The following GRM7 variants were observed in gnomAD, a reference collection of about 807,000 sequenced individuals.
GRM7 encodes the protein metabotropic glutamate receptor 7.
A neutral mutation model predicts 84.5 loss-of-function variants in GRM7; 35 were observed. The observed-to-expected ratio is 0.41, with a 90% CI of 0.32 to 0.55. The LOEUF (loss-of-function observed/expected upper bound fraction) is 0.55. Ranked by LOEUF, GRM7 falls within the 20% of genes least tolerant of loss-of-function variation. The pLI is 0.19. For synonymous variants in GRM7, 487 were observed against 455.1 expected (o/e 1.07, Z -0.89); for missense variants, 1,003 against 1,194.6 (o/e 0.84, Z 2.36).
At chr3:7,064,324 A>G (rs1012173766) in intron 1 of GRM7, among the ~76,000 whole-genome samples, 1 of 150,692 alleles carries the variant, frequency 6.6e-6, no homozygotes, top group Admixed American at 6.7e-5. Flanking sequence ...TATCAGTGAG[A>G]ACATATGACA....
At chr3:6,886,333 C>A (rs1235413475) in intron 1 of GRM7, among the ~76,000 whole-genome samples, 1 of 151,776 alleles carries the variant, frequency 6.6e-6, no homozygotes, top group Admixed American at 6.6e-5. Context: ...ACCCACACAC[C>A]GGGGCCTGTT....
intron 1 of GRM7, among the ~76,000 whole-genome samples, chr3:7,050,294 A>G (rs1197072633): frequency 6.6e-6 from 1 of 151,922 alleles, no homozygotes; most frequent in Non-Finnish European, 1.5e-5. Flanking sequence ...CTGTTCTAAA[A>G]CAAAAGCTTT....
chr3:7,000,161 G>A (rs1694958452), intron 1 of GRM7, among the ~76,000 whole-genome samples: 2 of 135,434 alleles, frequency 1.5e-5, no homozygotes, highest in South Asian at 4.8e-4. Context: ...AATGTCAGAG[G>A]TTGTGACTTT....
intron 1 of GRM7, among the ~76,000 whole-genome samples, chr3:7,083,423 A>C (rs1420128476): frequency 6.6e-6 from 1 of 152,164 alleles, no homozygotes; most frequent in African/African-American, 2.4e-5. Flanking sequence ...TTTCCTGTGC[A>C]CTGGGAAACC....
intron 1 of GRM7, among the ~76,000 whole-genome samples, chr3:7,075,575 G>C (rs1698043540): frequency 6.7e-6 from 1 of 148,994 alleles, no homozygotes. Flanking sequence ...CTGTCGCCCA[G>C]GCTGGAGTGG....
intron 7 of GRM7, among the ~76,000 whole-genome samples, chr3:7,563,310 AT>A (rs1694111179): frequency 6.6e-6 from 1 of 152,100 alleles, no homozygotes; most frequent in Admixed American, 6.6e-5. Context: ...AAAAGAGGAC[AT>A]TTTTTTCCTC....
chr3:7,250,595 C>T (rs550345094), intron 2 of GRM7, among the ~76,000 whole-genome samples: 36 of 140,472 alleles, frequency 2.6e-4, no homozygotes, highest in Middle Eastern at 3.7e-3. Context: ...GTGATCTTGG[C>T]TCACTGTAAC....
chr3:7,180,411 G>A (rs1379628497), intron 2 of GRM7, among the ~76,000 whole-genome samples: 2 of 152,126 alleles, frequency 1.3e-5, no homozygotes, highest in African/African-American at 4.8e-5. Flanking sequence ...CACCCAAACA[G>A]CAATCTGTGG....
intron 1 of GRM7, among the ~76,000 whole-genome samples, chr3:7,052,591 G>C (rs1336916611): frequency 3.3e-5 from 5 of 150,748 alleles, no homozygotes; most frequent in Non-Finnish European, 7.4e-5. Context: ...GTGACCACTA[G>C]TTACTTTCTG....
At chr3:7,071,052 A>C (rs1034938236) in intron 1 of GRM7, among the ~76,000 whole-genome samples, 1 of 152,084 alleles carries the variant, frequency 6.6e-6, no homozygotes, top group Admixed American at 6.6e-5. Flanking sequence ...AAGTGAACAC[A>C]GTGTGTTCCT....
At chr3:7,682,566 ACACAC>A (rs766831088) in intron 9 of GRM7, among the ~76,000 whole-genome samples, 7,994 of 107,850 alleles carry the variant, frequency 0.074, 252 homozygotes, top group African/African-American at 0.12. Flanking sequence ...ACACACACAC[ACACAC>A]ATTTAACTAG....
chr3:6,997,927 C>T (rs1343708885), intron 1 of GRM7, among the ~76,000 whole-genome samples: 1 of 151,606 alleles, frequency 6.6e-6, no homozygotes, highest in Non-Finnish European at 1.5e-5. Flanking sequence ...CGAGACCATC[C>T]TGGCCAATAT....
chr3:7,701,570 G>A (rs554392817), intron 9 of GRM7, among the ~76,000 whole-genome samples: 3 of 152,102 alleles, frequency 2.0e-5, no homozygotes, highest in East Asian at 2.0e-4. Context: ...CCCAAAGTGC[G>A]GGATTACAGG....
chr3:7,026,187 T>C (rs1288021082), intron 1 of GRM7, among the ~76,000 whole-genome samples: 1 of 152,178 alleles, frequency 6.6e-6, no homozygotes, highest in Non-Finnish European at 1.5e-5. Context: ...CATGCAGCCT[T>C]ACTGTCTAAG....
rs1026100921 is a variant in GRM7, at chr3:6,871,948, G to C, written c.519+10041G>C. ...GATTAAAAAAAATCCCCAAACCATT[G>C]AGGCATCCTAGCTCCCTCTCCTCCA... On this transcript the variant is annotated intron_variant, in intron 1 of 9. Transcript: ENST00000357716. Among the ~76,000 whole-genome samples the C allele has an allele frequency of 2.0e-5, 3 of 151,892 alleles. No individual in the cohort carries two copies. In the East Asian group the frequency reaches 5.8e-4, roughly 29 times the overall value.
At position 7,189,769 on chromosome 3, in the gene GRM7, A is replaced by T. The variant is rs1695646078; in HGVS notation, c.736+43101A>T. On this transcript the variant is annotated intron_variant, in intron 2 of 9. Coordinates refer to ENST00000357716, the MANE Select transcript of GRM7 (RefSeq NM_000844.4). ...AATTCTTGACACCTATATTTTTTTC[A>T]GAGACTTGGCAATTTAATGGTAACA... is the stretch of plus-strand genomic sequence containing the variant. Among the ~76,000 whole-genome samples, 3 of 152,222 alleles carry T rather than the reference A, an allele frequency of 2.0e-5. No individual in the cohort carries two copies. The South Asian group carries it at 6.2e-4, about 32-fold the overall frequency.
chr3:6,932,751 C>CTT (rs35962540), intron 1 of GRM7, among the ~76,000 whole-genome samples: 1,174 of 93,752 alleles, frequency 0.013, 2 homozygotes, highest in Middle Eastern at 0.041. Flanking sequence ...TTCTTTCTCT[C>CTT]TTTTTTTTTT....
At chr3:7,125,678 G>A (rs1693375440) in intron 1 of GRM7, among the ~76,000 whole-genome samples, 1 of 152,180 alleles carries the variant, frequency 6.6e-6, no homozygotes, top group Non-Finnish European at 1.5e-5. Flanking sequence ...ATTGTGACGT[G>A]ACAGCTTTTC....
At chr3:7,714,186 CT>C (rs1323746937) in intron 9 of GRM7, among the ~76,000 whole-genome samples, 1 of 152,068 alleles carries the variant, frequency 6.6e-6, no homozygotes, top group African/African-American at 2.4e-5. Flanking sequence ...AACCTGAAGG[CT>C]TTATTAAACA....
Sources: allele counts gnomAD v4.1 joint callset (sites outside exome capture counted in the v4.1 genomes callset), GRCh38; gene constraint gnomAD v4.1.1; transcripts MANE v1.5; gene names NCBI Gene and HGNC (gene_info 2026-07-23, HGNC 2026-07-21).